The following UGT1A6 variants were observed in gnomAD, a reference collection of about 807,000 sequenced individuals.
The protein encoded by UGT1A6 is UDP-glucuronosyltransferase 1A6.
A neutral mutation model predicts 44.4 loss-of-function variants in UGT1A6; 32 were observed. The ratio of observed to expected loss-of-function variants is 0.72; its 90% CI spans 0.54 to 0.97. The LOEUF (loss-of-function observed/expected upper bound fraction) is 0.97, where lower values mean the gene tolerates loss of function less well. Ranked by LOEUF, UGT1A6 falls within the 50% of genes least tolerant of loss-of-function variation. UGT1A6 has a pLI of 0.00. For missense variants in UGT1A6, 685 were observed against 661.9 expected (o/e 1.03, Z -0.38); for synonymous variants, 238 against 248.5 (o/e 0.96, Z 0.40).
chr2:233,701,290 G>A (rs1052682506), intron 1 of UGT1A6, among the ~76,000 whole-genome samples: 2 of 152,088 alleles, frequency 1.3e-5, no homozygotes, highest in South Asian at 2.1e-4. Context: ...TTGAGGAATC[G>A]CCACACTGTC....
At chr2:233,746,151 A>C (rs1346587402) in intron 1 of UGT1A6, among the ~76,000 whole-genome samples, 1 of 151,886 alleles carries the variant, frequency 6.6e-6, no homozygotes, top group Non-Finnish European at 1.5e-5. Context: ...TGATAGCATG[A>C]TTCCAAAGCC....
intron 1 of UGT1A6, among the ~76,000 whole-genome samples, chr2:233,765,606 C>T (rs4663971): frequency 1.3e-5 from 2 of 151,332 alleles, no homozygotes; most frequent in Non-Finnish European, 1.5e-5. Context: ...GGGCTTGTGG[C>T]GGGGTGAGGG....
chr2:233,723,296 G>A (rs2077075568), intron 1 of UGT1A6, among the ~76,000 whole-genome samples: 1 of 113,420 alleles, frequency 8.8e-6, no homozygotes. Flanking sequence ...TGCAACCTCT[G>A]CCTCCCAGGT....
rs890288877 is a variant in UGT1A6, at chr2:233,747,512, C to T, written c.862-19522C>T. ...TTGTGCTGGGCCACACTCAACTGTA[C>T]TTTGAAACAGAACATTTTCTGAAGA... On this transcript the variant is annotated intron_variant, in intron 1 of 4. Transcript: ENST00000305139. The T allele has an allele frequency of 5.6e-6, 9 of 1,607,598 alleles. No homozygotes were observed. In the South Asian group the frequency reaches 8.8e-5, roughly 16 times the overall value.
intron 1 of UGT1A6, among the ~76,000 whole-genome samples, chr2:233,762,019 A>G (rs1021587184): frequency 2.6e-5 from 4 of 151,988 alleles, no homozygotes; most frequent in South Asian, 2.1e-4. Context: ...TGTGATTTGT[A>G]TTTTATTTTT....
chr2:233,751,748 T>C (rs1261704160), intron 1 of UGT1A6, among the ~76,000 whole-genome samples: 3 of 152,220 alleles, frequency 2.0e-5, no homozygotes, highest in African/African-American at 7.2e-5. Flanking sequence ...TCTCTCTTGC[T>C]TGCTGCCATG....
Position 233,719,571 on chromosome 2 carries a change from T to C in UGT1A6, c.861+25706T>C, listed in dbSNP as rs749406769. The C allele has an allele frequency of 1.9e-5, 31 of 1,613,788 alleles. No individual in the cohort carries two copies. Among genetic ancestry groups the C allele is most frequent in the Non-Finnish European group, 2.2e-5 (26 of 1,179,874 alleles). ...GGTGTCAGTGGTGGATCTTGTCAGC[T>C]ATGCATCCGTGTGGCTGTTCCGAGG... On this transcript the variant is annotated intron_variant, in intron 1 of 4. Coordinates refer to ENST00000305139, the MANE Select transcript of UGT1A6 (RefSeq NM_001072.4).
At chr2:233,757,561 T>TATATATATATATATATATATATATAC (rs71058576) in intron 1 of UGT1A6, among the ~76,000 whole-genome samples, 1 of 121,178 alleles carries the variant, frequency 8.3e-6, no homozygotes, top group Non-Finnish European at 1.7e-5. Context: ...TATATATATA[T>TATATATATATATATATATATATATAC]GTATATATGA....
intron 1 of UGT1A6, among the ~76,000 whole-genome samples, chr2:233,714,260 A>T (rs2076376447): frequency 6.6e-6 from 1 of 152,230 alleles, no homozygotes; most frequent in East Asian, 1.9e-4. Context: ...ATAGAAATTT[A>T]CAATTGTTGA....
At position 233,693,809 on chromosome 2, in the gene UGT1A6, C is replaced by T; in HGVS notation, c.805C>T (p.Pro269Ser). 6.2e-7 allele frequency: 1 copy of T among 1,614,184 alleles called. No homozygotes were observed. Among genetic ancestry groups the T allele is most frequent in the South Asian group, 1.1e-5 (1 of 91,078 alleles). Residue 269 changes from proline (P) to serine (S), a missense_variant, in exon 1 of 5, where the codon CCC (proline) becomes TCC (serine). By Grantham distance (74) the Pro-to-Ser change is moderately conservative. Coordinates refer to ENST00000305139, the MANE Select transcript of UGT1A6 (RefSeq NM_001072.4). ...FVLEYPRPVM[P>S]NMVFIGGINC... ...GCTTGAATATCCTAGGCCGGTCATGCCCAACATGGTCTTCATTGGAGGTAT... is the reference window on the plus strand; with the variant it reads ...GCTTGAATATCCTAGGCCGGTCATGTCCAACATGGTCTTCATTGGAGGTAT...
intron 2 of UGT1A6, among the ~76,000 whole-genome samples, chr2:233,767,607 T>A (rs990795456): frequency 1.3e-5 from 2 of 152,144 alleles, no homozygotes; most frequent in African/African-American, 4.8e-5. Flanking sequence ...AGTGAAAAAA[T>A]CCTAAGTGCA....
chr2:233,693,690 A>G lies in UGT1A6; in HGVS notation c.686A>G (p.Tyr229Cys). The G allele has an allele frequency of 6.2e-7, 1 of 1,614,250 alleles. No homozygotes were observed. Among genetic ancestry groups the G allele is most frequent in the Non-Finnish European group, 8.5e-7 (1 of 1,180,042 alleles). The change falls in exon 1 of 5, where the codon TAT becomes TGT. Residue 229 changes from tyrosine (Y) to cysteine (C), a missense_variant. Coordinates refer to ENST00000305139, the MANE Select transcript of UGT1A6 (RefSeq NM_001072.4). Reference protein sequence around the residue: ...PYLFYCLFSKYEELASAVLKR... With the variant: ...PYLFYCLFSKCEELASAVLKR... ...CTATTTTATTGTCTGTTTTCAAAGT[A>G]TGAAGAACTCGCATCAGCTGTCCTC...
At chr2:233,717,333 C>A (rs1334785551) in intron 1 of UGT1A6, among the ~76,000 whole-genome samples, 1 of 152,204 alleles carries the variant, frequency 6.6e-6, no homozygotes, top group East Asian at 1.9e-4. Flanking sequence ...CCTCACAAAT[C>A]CCCAGAAATC....
intron 1 of UGT1A6, among the ~76,000 whole-genome samples, chr2:233,717,147 A>G (rs2076552240): frequency 6.6e-6 from 1 of 152,232 alleles, no homozygotes. Flanking sequence ...ACATGGAAAT[A>G]GAACATGGGA....
chr2:233,716,945 C>G (rs1559362074), intron 1 of UGT1A6, among the ~76,000 whole-genome samples: 1 of 152,182 alleles, frequency 6.6e-6, no homozygotes, highest in Non-Finnish European at 1.5e-5. Context: ...TCCTATTTCC[C>G]AGGCACCAGG....
chr2:233,712,709 G>T (rs1274471996), intron 1 of UGT1A6, among the ~76,000 whole-genome samples: 1 of 152,054 alleles, frequency 6.6e-6, no homozygotes, highest in Non-Finnish European at 1.5e-5. Flanking sequence ...CTTGTGTTGG[G>T]AATTGAATGA....
In UGT1A6 at chr2:233,751,878, G is replaced by T. The variant is rs139907629; in HGVS notation, c.862-15156G>T. On this transcript the variant is annotated intron_variant, in intron 1 of 4. Transcript: ENST00000305139. ...GTCTTTTATAAATTACCCCGTCTTG[G>T]GTATGTCTTTATAGCAGTGTGAGAA... Among the ~76,000 whole-genome samples the T allele has an allele frequency of 2.6e-5, 4 of 152,104 alleles. No homozygotes were observed. In the East Asian group the frequency reaches 7.7e-4, roughly 29 times the overall value.
chr2:233,753,244 G>A (rs1445000409), intron 1 of UGT1A6: 1 of 152,136 alleles, frequency 6.6e-6, no homozygotes, highest in Non-Finnish European at 1.5e-5. Flanking sequence ...TATTATTTAA[G>A]AAGCAACTAC....
chr2:233,719,681 A>G (rs1559365276), intron 1 of UGT1A6: 10 of 1,614,106 alleles, frequency 6.2e-6, no homozygotes, highest in Non-Finnish European at 8.5e-6. Context: ...GGAAGCCACT[A>G]TCTCAGGTCT....
Sources: gnomAD v4.1 joint callset for allele counts (sites outside exome capture counted in the v4.1 genomes callset) on GRCh38, gnomAD v4.1.1 for gene constraint, MANE v1.5 for transcripts, NCBI Gene and HGNC (gene_info 2026-07-23, HGNC 2026-07-21) for gene names.